NCOA2: variants seen among roughly 807,000 people sequenced by gnomAD.
NCOA2 encodes class E basic helix-loop-helix protein 75.
Under a neutral mutation model 145.1 loss-of-function variants are expected in NCOA2, and 21 were observed. That is an observed-to-expected ratio of 0.14 (90% confidence interval 0.10 to 0.21). The LOEUF (loss-of-function observed/expected upper bound fraction) is 0.21, where lower values mean the gene tolerates loss of function less well. Among genes scored for constraint, NCOA2 ranks in the 10% least tolerant of loss-of-function variants. The probability of loss-of-function intolerance (pLI) is 1.00; values close to 1 mark genes in which losing one functional copy is unlikely to be tolerated. For synonymous variants in NCOA2, 619 were observed against 637.5 expected (o/e 0.97, Z 0.44); for missense variants, 1,472 against 1,837.6 (o/e 0.80, Z 3.64).
At chr8:70,209,143 T>A (rs1818762497) in intron 4 of NCOA2, among the ~76,000 whole-genome samples, 2 of 152,186 alleles carry the variant, frequency 1.3e-5, no homozygotes, top group Admixed American at 6.5e-5. Context: ...CATGGATGAC[T>A]TGGAGGGATT....
chr8:70,368,611 G>A (rs969101163), intron 1 of NCOA2, among the ~76,000 whole-genome samples: 2 of 152,136 alleles, frequency 1.3e-5, no homozygotes, highest in African/African-American at 4.8e-5. Context: ...AACAGCTTAA[G>A]TATAGTTTAG....
At position 70,393,903 on chromosome 8, in the gene NCOA2, T is replaced by A. The variant is rs543628898; in HGVS notation, c.-77+9797A>T. On this transcript the variant is annotated intron_variant, in intron 1 of 22. Transcript: ENST00000452400. ...TGCCCTTCAACGTCCAGGCATTTTG[T>A]TGACTTCTATTGTTGTTGTTCACTG... Among the ~76,000 whole-genome samples the A allele has an allele frequency of 8.3e-4, 127 of 152,384 alleles. 1 individual carries two copies. The highest frequency in any genetic ancestry group is 3.0e-3 in the African/African-American group (123 of 41,600).
intron 1 of NCOA2, among the ~76,000 whole-genome samples, chr8:70,358,273 C>T (rs1035501935): frequency 4.6e-5 from 7 of 152,068 alleles, no homozygotes; most frequent in African/African-American, 1.7e-4. Context: ...TCCTCAAATT[C>T]ATATGAAAAT....
chr8:70,398,370 G>C (rs969858464), intron 1 of NCOA2, among the ~76,000 whole-genome samples: 1 of 152,100 alleles, frequency 6.6e-6, no homozygotes, highest in Non-Finnish European at 1.5e-5. Flanking sequence ...GGGTCAGGAG[G>C]ATCACTTGAG....
rs143338329 is a variant in NCOA2, at chr8:70,234,756, T to A, written c.-19-17992A>T. On this transcript the variant is annotated intron_variant, in intron 2 of 22. Coordinates refer to ENST00000452400, the MANE Select transcript of NCOA2 (RefSeq NM_006540.4). ...TTAACAGCTTTTGGGGTTATGAACC[T>A]CTCTGAGTACCTGACCAAGGCCAAA... 3.3e-5 allele frequency among the ~76,000 whole-genome samples: 5 copies of A among 152,318 alleles called. No individual in the cohort carries two copies. The East Asian group carries it at 9.6e-4, about 29-fold the overall frequency.
chr8:70,410,436 T>G, the NCOA2 span, among the ~76,000 whole-genome samples: 1 of 152,116 alleles, frequency 6.6e-6, no homozygotes, highest in Non-Finnish European at 1.5e-5. Flanking sequence ...ATATAGAATA[T>G]AATAATAACC....
the NCOA2 span, among the ~76,000 whole-genome samples, chr8:70,417,253 A>AAAAAAAAAAAAAAAAAAAAAAAAC: frequency 6.7e-6 from 1 of 148,238 alleles, no homozygotes; most frequent in Admixed American, 6.7e-5. Context: ...ATTAAAAAAA[A>AAAAAAAAAAAAAAAAAAAAAAAAC]AAAAAAAAAA....
the NCOA2 span, among the ~76,000 whole-genome samples, chr8:70,450,897 C>A: frequency 2.7e-5 from 4 of 149,942 alleles, no homozygotes; most frequent in Non-Finnish European, 4.4e-5. Flanking sequence ...CAAGAATTCT[C>A]TTAGTTTCAG....
At chr8:70,359,121 C>T (rs139387386) in intron 1 of NCOA2, among the ~76,000 whole-genome samples, 5 of 152,318 alleles carry the variant, frequency 3.3e-5, no homozygotes, top group African/African-American at 1.2e-4. Flanking sequence ...TTAGAAACCT[C>T]ATACATTGCT....
chr8:70,355,313 T>A (rs1445936786), intron 1 of NCOA2, among the ~76,000 whole-genome samples: 5 of 152,176 alleles, frequency 3.3e-5, no homozygotes, highest in African/African-American at 1.2e-4. Flanking sequence ...GAAGCACAGT[T>A]ACGAGTCCTT....
intron 1 of NCOA2, among the ~76,000 whole-genome samples, chr8:70,348,437 T>C (rs1808874651): frequency 6.6e-6 from 1 of 152,194 alleles, no homozygotes; most frequent in Admixed American, 6.5e-5. Context: ...CTACGTAATT[T>C]GGGGCTAAAG....
chr8:70,170,473 A>G (rs1279825136), intron 5 of NCOA2, 94 bp from the exon 6 acceptor site: 2 of 1,080,846 alleles, frequency 1.9e-6, no homozygotes, highest in South Asian at 1.8e-5. Context: ...AGGAAACACA[A>G]TTCACACACA....
intron 1 of NCOA2, among the ~76,000 whole-genome samples, chr8:70,335,081 C>T (rs1158267824): frequency 2.3e-5 from 3 of 131,178 alleles, no homozygotes; most frequent in Non-Finnish European, 4.6e-5. Flanking sequence ...TGAGATTGTG[C>T]CACTGCACTC....
chr8:70,296,291 A>G (rs977022299), intron 2 of NCOA2, among the ~76,000 whole-genome samples: 1 of 152,236 alleles, frequency 6.6e-6, no homozygotes, highest in African/African-American at 2.4e-5. Context: ...AGGTTGGCTC[A>G]TTGCATTTTA....
At chr8:70,271,279 T>TAAGC (rs1433176971) in intron 2 of NCOA2, among the ~76,000 whole-genome samples, 2 of 152,176 alleles carry the variant, frequency 1.3e-5, no homozygotes, top group African/African-American at 4.8e-5. Context: ...AAAAACAAGG[T>TAAGC]AAGCACCAGA....
intron 12 of NCOA2, among the ~76,000 whole-genome samples, chr8:70,147,132 G>GTT (rs948915949): frequency 4.7e-5 from 7 of 149,608 alleles, no homozygotes; most frequent in Non-Finnish European, 4.4e-5. Context: ...GCGCGCGTGT[G>GTT]TGTGTGTGTG....
At chr8:70,137,170 T>C (rs1184436307) in intron 15 of NCOA2, among the ~76,000 whole-genome samples, 3 of 152,132 alleles carry the variant, frequency 2.0e-5, no homozygotes, top group Non-Finnish European at 2.9e-5. Context: ...CTCCCGAGTA[T>C]CTGGGATTAC....
chr8:70,113,796 G>C (rs1806777192), intron 22 of NCOA2, among the ~76,000 whole-genome samples, 153 bp from the exon 23 acceptor site: 1 of 152,250 alleles, frequency 6.6e-6, no homozygotes, highest in South Asian at 2.1e-4. Flanking sequence ...ATGTGGAGGT[G>C]AACAGGCAGA....
In NCOA2 at chr8:70,403,377, T is replaced by C. The variant is rs1226928555; in HGVS notation, c.-77+323A>G. Among the ~76,000 whole-genome samples, 5 of 150,998 alleles carry C rather than the reference T, an allele frequency of 3.3e-5. No homozygotes were observed. The South Asian group carries it at 8.3e-4, about 25-fold the overall frequency. On this transcript the variant is annotated intron_variant, in intron 1 of 22. Transcript: ENST00000452400. ...GCTGCAGCCTCCGCCCGCCTCGCGC[T>C]CCGGGACTCGTCTCCTGAGCTCTCG...
Sources: allele counts gnomAD v4.1 joint callset (sites outside exome capture counted in the v4.1 genomes callset), GRCh38; gene constraint gnomAD v4.1.1; transcripts MANE v1.5; gene names NCBI Gene and HGNC (gene_info 2026-07-23, HGNC 2026-07-21).